SHC3: variants seen among roughly 807,000 people sequenced by gnomAD.
SHC3 encodes SHC adaptor protein 3, also known as SHC-transforming protein 3.
Under a neutral mutation model 60.4 loss-of-function variants are expected in SHC3, and 15 were observed. That is an observed-to-expected ratio of 0.25 (90% confidence interval 0.17 to 0.38). The LOEUF is 0.38. Among genes scored for constraint, SHC3 ranks in the 10% least tolerant of loss-of-function variants. The pLI is 1.00. For missense variants in SHC3, 677 were observed against 786.1 expected, an observed-to-expected ratio of 0.86 and a Z score of 1.66; for synonymous variants, 294 against 325.9, an observed-to-expected ratio of 0.90 and a Z score of 1.05.
At chr9:89,152,007 C>T (rs937873809) in intron 1 of SHC3, among the ~76,000 whole-genome samples, 3 of 152,220 alleles carry the variant, frequency 2.0e-5, no homozygotes, top group Non-Finnish European at 2.9e-5. Context: ...TCTGGATTTG[C>T]AATAATGTTT....
At chr9:89,108,340 C>T (rs1825895146) in intron 2 of SHC3, among the ~76,000 whole-genome samples, 1 of 148,682 alleles carries the variant, frequency 6.7e-6, no homozygotes, top group Non-Finnish European at 1.5e-5. Flanking sequence ...TGGCAAAACC[C>T]CACCTCTACC....
At chr9:89,031,074 TG>T (rs1020971026) in intron 11 of SHC3, among the ~76,000 whole-genome samples, 8 of 152,108 alleles carry the variant, frequency 5.3e-5, no homozygotes, top group South Asian at 4.1e-4. Flanking sequence ...ATTTTAGAGA[TG>T]GGGTCTCACT....
At position 89,098,725 on chromosome 9, in the gene SHC3, A is replaced by G. The variant is rs538650021; in HGVS notation, c.545+13831T>C. ...ACTTGGGAGGCTGAGGCAGGAGAAC[A>G]GCGTGAACCTGGGAGGCGGAGCTTG... On this transcript the variant is annotated intron_variant, in intron 2 of 11. Coordinates refer to ENST00000375835, the MANE Select transcript of SHC3 (RefSeq NM_016848.6). Among the ~76,000 whole-genome samples, 7 of 152,098 alleles carry G rather than the reference A, an allele frequency of 4.6e-5. No homozygotes were observed. In the South Asian group the frequency reaches 1.5e-3, roughly 32 times the overall value.
At chr9:89,133,654 C>T (rs897585340) in intron 1 of SHC3, among the ~76,000 whole-genome samples, 19 of 151,952 alleles carry the variant, frequency 1.3e-4, no homozygotes, top group African/African-American at 2.4e-4. Context: ...AGCAAACTAT[C>T]GCAAGGACAG....
At chr9:89,158,635 C>T (rs1420400746) in intron 1 of SHC3, among the ~76,000 whole-genome samples, 1 of 152,148 alleles carries the variant, frequency 6.6e-6, no homozygotes, top group Non-Finnish European at 1.5e-5. Context: ...TTCTGTCTAG[C>T]GGGCTGTTGA....
At chr9:89,049,933 G>A (rs1426827648) in intron 7 of SHC3, among the ~76,000 whole-genome samples, 1 of 152,166 alleles carries the variant, frequency 6.6e-6, no homozygotes, top group South Asian at 2.1e-4. Context: ...GTCTACTCTG[G>A]CTGGGAGGCT....
rs76287022 is a variant in SHC3 at position 89,012,185 on chromosome 9, C to T, written c.*1262G>A. On this transcript the variant is annotated 3_prime_UTR_variant, in exon 12 of 12. Coordinates refer to ENST00000375835, the MANE Select transcript of SHC3 (RefSeq NM_016848.6). ...TGTGAAAATCACAGGGCAATCTCAG[C>T]CCAGATAGTATTTGAAAGGTATAAA... is the stretch of plus-strand genomic sequence containing the variant. 0.059 allele frequency: 9,040 copies of T among 152,208 alleles called. 393 individuals are homozygous for T. Among genetic ancestry groups the T allele is most frequent in the Non-Finnish European group, 0.087 (5,949 of 67,996 alleles). The allele number at this position is 152,208 out of a possible 1,614,324, so 9.4% of individuals were successfully genotyped here.
At chr9:89,161,450 T>G (rs963060937) in intron 1 of SHC3, among the ~76,000 whole-genome samples, 14 of 152,222 alleles carry the variant, frequency 9.2e-5, no homozygotes, top group Admixed American at 5.9e-4. Flanking sequence ...AAACCTCTTT[T>G]GTTTATAAAT....
chr9:89,088,348 T>C (rs941040340), intron 2 of SHC3, among the ~76,000 whole-genome samples: 1 of 152,220 alleles, frequency 6.6e-6, no homozygotes, highest in East Asian at 1.9e-4. Context: ...CTTACTTGTA[T>C]TGATTGATGT....
In SHC3 at chr9:89,178,403, C is replaced by T. The variant is rs202071203; in HGVS notation, c.58G>A (p.Asp20Asn). The change falls in exon 1 of 12, where the codon GAC becomes AAC. Residue 20 changes from aspartate (D) to asparagine (N), a missense_variant. Transcript: ENST00000375835. This position sits in a 1 kb window ranked among gnomAD's most constrained non-coding sequence, Gnocchi z 6.9. ...CTCACCGACAGGCTGTGGAGAAGGTCATCGACCGATGTCACCGAGTCATTC... is the reference window on the plus strand; with the variant it reads ...CTCACCGACAGGCTGTGGAGAAGGTTATCGACCGATGTCACCGAGTCATTC... ...FRNDSVTSVD[D>N]LLHSLSVSGG... The T allele has an allele frequency of 1.3e-6, 2 of 1,548,616 alleles. No individual in the cohort carries two copies. Among genetic ancestry groups the T allele is most frequent in the Admixed American group, 3.8e-5 (2 of 52,336 alleles).
At chr9:89,060,745 G>T (rs1825074372) in intron 6 of SHC3, among the ~76,000 whole-genome samples, 1 of 152,072 alleles carries the variant, frequency 6.6e-6, no homozygotes, top group Non-Finnish European at 1.5e-5. Flanking sequence ...CTGCCATGTG[G>T]ACAAAAAACT....
chr9:89,058,296 G>A (rs1824989258), intron 6 of SHC3, among the ~76,000 whole-genome samples: 1 of 150,596 alleles, frequency 6.6e-6, no homozygotes, highest in South Asian at 2.1e-4. Flanking sequence ...GGTGGTGGAG[G>A]ATGCAGTGGA....
At chr9:89,066,438 A>G (rs796790124) in intron 5 of SHC3, among the ~76,000 whole-genome samples, 5 of 152,366 alleles carry the variant, frequency 3.3e-5, no homozygotes, top group South Asian at 2.1e-4. Context: ...TCATCCTTCC[A>G]TATGAAATGT....
rs1168761256 is a variant in SHC3 at position 89,007,673 on chromosome 9, T to TG, written c.*5773dup. ...CCTGCTGGCCTCAGACAGCTATGCA[T>TG]GGCTGCATGAAGGAAGATCTAAATC... On this transcript the variant is annotated 3_prime_UTR_variant, in exon 12 of 12. Transcript: ENST00000375835. The TG allele has an allele frequency of 2.0e-5, 3 of 152,470 alleles. No individual in the cohort carries two copies. The highest frequency in any genetic ancestry group is 2.4e-5 in the African/African-American group (1 of 41,584). 9.4% of individuals were successfully genotyped at this position (152,470 alleles called of 1,614,324 possible).
chr9:89,108,252 C>A (rs1478212974), intron 2 of SHC3, among the ~76,000 whole-genome samples: 1 of 152,122 alleles, frequency 6.6e-6, no homozygotes, highest in East Asian at 1.9e-4. Flanking sequence ...GTGGCTCATG[C>A]CTGTAATCCC....
intron 2 of SHC3, among the ~76,000 whole-genome samples, chr9:89,089,253 C>T (rs574064087): frequency 2.0e-5 from 3 of 152,286 alleles, no homozygotes; most frequent in African/African-American, 7.2e-5. Context: ...AAAGAAGCCC[C>T]ACTGATAGAA....
intron 2 of SHC3, among the ~76,000 whole-genome samples, chr9:89,101,343 T>C (rs1825780027): frequency 6.6e-6 from 1 of 152,084 alleles, no homozygotes; most frequent in Admixed American, 6.5e-5. Flanking sequence ...GTCCATGTTA[T>C]ATGAAAAAAA....
At chr9:89,148,232 G>A (rs1248846582) in intron 1 of SHC3, among the ~76,000 whole-genome samples, 1 of 151,998 alleles carries the variant, frequency 6.6e-6, no homozygotes, top group African/African-American at 2.4e-5. Context: ...TCGATATTTC[G>A]CGATTAAATA....
chr9:89,149,822 G>T (rs1826520455), intron 1 of SHC3, among the ~76,000 whole-genome samples: 1 of 152,134 alleles, frequency 6.6e-6, no homozygotes, highest in African/African-American at 2.4e-5. Flanking sequence ...GAAAATTACA[G>T]AAATAAACAA....
Sources: allele counts gnomAD v4.1 joint callset (sites outside exome capture counted in the v4.1 genomes callset), GRCh38; gene constraint gnomAD v4.1.1; non-coding constraint Gnocchi (gnomAD v3.1); transcripts MANE v1.5; gene names NCBI Gene and HGNC (gene_info 2026-07-23, HGNC 2026-07-21).